The following KIF16B variants were observed in gnomAD, a reference collection of about 807,000 sequenced individuals.
The protein encoded by KIF16B is kinesin-like protein KIF16B.
A neutral mutation model predicts 156.3 loss-of-function variants in KIF16B; 98 were observed. The observed-to-expected ratio is 0.63, with a 90% confidence interval of 0.53 to 0.74. KIF16B has a LOEUF of 0.74. Among genes scored for constraint, KIF16B ranks in the 30% least tolerant of loss-of-function variants. The pLI is 0.00. For synonymous variants in KIF16B, 564 were observed against 583.7 expected, an observed-to-expected ratio of 0.97 and a Z score of 0.49; for missense variants, 1,421 against 1,606.5, an observed-to-expected ratio of 0.88 and a Z score of 1.97.
intron 1 of KIF16B, among the ~76,000 whole-genome samples, chr20:16,564,503 G>A (rs2071180418): frequency 6.6e-6 from 1 of 151,976 alleles, no homozygotes; most frequent in Non-Finnish European, 1.5e-5. Flanking sequence ...CACACACCGG[G>A]GCCTGTTGTG....
intron 12 of KIF16B, among the ~76,000 whole-genome samples, chr20:16,469,326 CA>C (rs1383409137): frequency 7.7e-5 from 10 of 129,104 alleles, no homozygotes; most frequent in African/African-American, 2.9e-4. Flanking sequence ...AAATCAACAA[CA>C]GAAAGATAAA....
intron 15 of KIF16B, among the ~76,000 whole-genome samples, chr20:16,409,429 T>C (rs1381806658): frequency 1.3e-5 from 2 of 151,958 alleles, no homozygotes; most frequent in Non-Finnish European, 2.9e-5. Context: ...ATCTTGTGTT[T>C]TATCTAGTTG....
At chr20:16,293,916 G>A (rs1248744204) in intron 25 of KIF16B, among the ~76,000 whole-genome samples, 2 of 152,118 alleles carry the variant, frequency 1.3e-5, no homozygotes, top group Non-Finnish European at 2.9e-5. Flanking sequence ...TATGAGGAGA[G>A]GGGCTGCGGG....
intron 8 of KIF16B, 82 bp from the exon 9 acceptor site, chr20:16,505,935 A>G (rs1484172501): frequency 4.4e-6 from 7 of 1,604,626 alleles, no homozygotes; most frequent in Non-Finnish European, 6.0e-6. Flanking sequence ...AAAACCTTGA[A>G]GAAATTACCT....
chr20:16,530,229 G>A (rs111597789), intron 1 of KIF16B, among the ~76,000 whole-genome samples: 158 of 152,196 alleles, frequency 1.0e-3, no homozygotes, highest in African/African-American at 3.7e-3. Flanking sequence ...CTTCTAACAC[G>A]GCTCCCAGTG....
chr20:16,505,588 C>T, intron 9 of KIF16B, 134 bp downstream of exon 9: 2 of 776,188 alleles, frequency 2.6e-6, no homozygotes, highest in Admixed American at 5.7e-5. Flanking sequence ...GGTGATTTTC[C>T]TCAAGATAGA....
At chr20:16,478,913 T>C (rs896042549) in intron 12 of KIF16B, among the ~76,000 whole-genome samples, 5 of 152,204 alleles carry the variant, frequency 3.3e-5, no homozygotes, top group Admixed American at 6.5e-5. Flanking sequence ...GGGGGGACTA[T>C]TGTACACCTA....
chr20:16,415,743 A>C (rs2066069947), intron 15 of KIF16B, among the ~76,000 whole-genome samples: 1 of 152,140 alleles, frequency 6.6e-6, no homozygotes, highest in Non-Finnish European at 1.5e-5. Context: ...ATATGCCATT[A>C]AGACAAATAC....
At chr20:16,433,767 A>G (rs2066570109) in intron 12 of KIF16B, among the ~76,000 whole-genome samples, 1 of 152,222 alleles carries the variant, frequency 6.6e-6, no homozygotes, top group African/African-American at 2.4e-5. Context: ...CAACTACATG[A>G]TATTATAAAA....
At chr20:16,466,668 T>C (rs2067500092) in intron 12 of KIF16B, among the ~76,000 whole-genome samples, 1 of 152,236 alleles carries the variant, frequency 6.6e-6, no homozygotes, top group South Asian at 2.1e-4. Flanking sequence ...TAAACATCTT[T>C]ACTTTATAAA....
intron 1 of KIF16B, among the ~76,000 whole-genome samples, chr20:16,562,802 T>G (rs1341308212): frequency 1.3e-5 from 2 of 152,228 alleles, no homozygotes; most frequent in Non-Finnish European, 2.9e-5. Context: ...TAATAAAGCC[T>G]TCTCTGAAGA....
In KIF16B at chr20:16,405,626, TC is replaced by T. The variant is rs1231676826; in HGVS notation, c.1696-726del. On this transcript the variant is annotated intron_variant, in intron 16 of 25. Coordinates refer to ENST00000354981, the MANE Select transcript of KIF16B (RefSeq NM_024704.5). ...TTCAAGTCAGTACTGCAGCCAAAGC[TC>T]CCCATTTGCCGGCTACAGAACAAGT... Among the ~76,000 whole-genome samples, 3 of 152,048 alleles carry T rather than the reference TC, an allele frequency of 2.0e-5. No individual in the cohort carries two copies. In the East Asian group the frequency reaches 5.8e-4, roughly 29 times the overall value.
chr20:16,408,811 G>A (rs915440690), intron 15 of KIF16B, among the ~76,000 whole-genome samples: 2 of 152,100 alleles, frequency 1.3e-5, no homozygotes, highest in Non-Finnish European at 2.9e-5. Context: ...CATGTTAAAA[G>A]GGGTCCATTA....
At chr20:16,494,234 AAG>A in intron 12 of KIF16B, 55 bp downstream of exon 12, 6 of 1,049,614 alleles carry the variant, frequency 5.7e-6, no homozygotes, top group Admixed American at 2.5e-5. Flanking sequence ...AAAAAAAAAA[AAG>A]TTTTACCAGT....
rs151286081 is a variant in KIF16B at position 16,356,344 on chromosome 20, C to T, written c.3607G>A (p.Glu1203Lys). The T allele has an allele frequency of 3.2e-5, 52 of 1,614,150 alleles. No homozygotes were observed. The highest frequency in any genetic ancestry group is 4.0e-5 in the Non-Finnish European group (47 of 1,179,986). Residue 1203 changes from glutamate (E) to lysine (K), a missense_variant, in exon 23 of 26, where the codon GAG (glutamate) becomes AAG (lysine). Physicochemically the swap from Glu to Lys is moderately conservative, Grantham distance 56 (BLOSUM62 1). Transcript: ENST00000354981. ...AAGACACTCACCTTGACCTCAAACT[C>T]GAAGTGTGCATCCTTTCCTTGCCCG... Reference protein sequence around the residue: ...LCGQGKDAHFEFEVKITVLDE... With the variant: ...LCGQGKDAHFKFEVKITVLDE...
Position 16,504,404 on chromosome 20 carries a change from T to G in KIF16B, c.1144A>C (p.Arg382=). 6.2e-7 allele frequency: 1 copy of G among 1,614,120 alleles called. No homozygotes were observed. The highest frequency in any genetic ancestry group is 1.3e-5 in the African/African-American group (1 of 75,058). Residue 382 remains arginine (R), a synonymous_variant, in exon 10 of 26, where the codon AGA becomes CGA. Transcript: ENST00000354981. The stretch of plus-strand genomic sequence containing the variant: ...CCTTGAGCAAGCAGCGTTTTCAGTC[T>G]GGCTATTTCAGCTCGCAGCTCACGG... ...LIRELRAEIA[R]LKTLLAQGNQ...
At chr20:16,279,699 T>G (rs2063117669) in intron 25 of KIF16B, among the ~76,000 whole-genome samples, 1 of 152,082 alleles carries the variant, frequency 6.6e-6, no homozygotes, top group East Asian at 1.9e-4. Flanking sequence ...AGTATCCCGG[T>G]GGTCCATCCA....
chr20:16,332,889 T>C (rs1037934727), intron 24 of KIF16B, among the ~76,000 whole-genome samples: 3 of 152,222 alleles, frequency 2.0e-5, no homozygotes, highest in African/African-American at 4.8e-5. Context: ...TAATTGGGTG[T>C]TTAAAAGTAT....
At chr20:16,367,588 T>C in intron 22 of KIF16B, 1 of 1,612,866 alleles carries the variant, frequency 6.2e-7, no homozygotes, top group South Asian at 1.1e-5. Flanking sequence ...GAGCAGTAAC[T>C]GAACTTCTGC....
Sources: gnomAD v4.1 joint callset for allele counts (sites outside exome capture counted in the v4.1 genomes callset) on GRCh38, gnomAD v4.1.1 for gene constraint, MANE v1.5 for transcripts, NCBI Gene and HGNC (gene_info 2026-07-23, HGNC 2026-07-21) for gene names.